The following SNX6 variants were observed in gnomAD, a reference collection of about 807,000 sequenced individuals.
SNX6 encodes sorting nexin 6.
A neutral mutation model predicts 63.0 loss-of-function variants in SNX6; 34 were observed. That is an observed-to-expected ratio of 0.54 (90% CI 0.41 to 0.72). The LOEUF (loss-of-function observed/expected upper bound fraction) is 0.72, where lower values mean the gene tolerates loss of function less well. Among genes scored for constraint, SNX6 ranks in the 30% least tolerant of loss-of-function variants. SNX6 has a pLI of 0.00. For synonymous variants in SNX6, 170 were observed against 164.2 expected, an observed-to-expected ratio of 1.04 and a Z score of -0.27; for missense variants, 398 against 471.4, an observed-to-expected ratio of 0.84 and a Z score of 1.44.
chr14:34,598,800 T>C (rs1489438498), intron 6 of SNX6, among the ~76,000 whole-genome samples: 1 of 152,098 alleles, frequency 6.6e-6, no homozygotes, highest in East Asian at 1.9e-4. Context: ...GGGAGGATCA[T>C]TTGACGCCAG....
intron 5 of SNX6, chr14:34,604,251 T>G: frequency 7.8e-7 from 1 of 1,284,474 alleles, no homozygotes; most frequent in Non-Finnish European, 1.0e-6. Context: ...AAACCCAAGG[T>G]TCTCTGTTAT....
At chr14:34,623,432 A>G (rs1421861809) in intron 2 of SNX6, among the ~76,000 whole-genome samples, 1 of 152,068 alleles carries the variant, frequency 6.6e-6, no homozygotes, top group Admixed American at 6.6e-5. Context: ...AGGAGTTTGG[A>G]CCTTACCCCC....
intron 9 of SNX6, among the ~76,000 whole-genome samples, chr14:34,585,241 G>T (rs1424874946): frequency 6.6e-6 from 1 of 152,114 alleles, no homozygotes; most frequent in Non-Finnish European, 1.5e-5. Flanking sequence ...ATTGTTGGCC[G>T]GGAGAAGTGG....
chr14:34,605,655 A>C lies in SNX6; in HGVS notation c.333T>G (p.Gly111=). 2.5e-6 allele frequency: 4 copies of C among 1,609,652 alleles called. No homozygotes were observed. Among genetic ancestry groups the C allele is most frequent in the Non-Finnish European group, 2.5e-6 (3 of 1,178,298 alleles). Residue 111 remains glycine, a synonymous_variant, in exon 5 of 14, where the codon GGT becomes GGG. Transcript: ENST00000362031. ...DASREKLQKL[G]EGEGSMTKEE... is the part of the protein sequence containing the mutation. Reference sequence around the variant, plus strand: ...CCTTCGTCATTGACCCTTCTCCTTCACCAAGCTTCTGTAGTTTTTCCCTTG... The same window carrying C: ...CCTTCGTCATTGACCCTTCTCCTTCCCCAAGCTTCTGTAGTTTTTCCCTTG...
At position 34,608,089 on chromosome 14, in the gene SNX6, C is replaced by G; in HGVS notation, c.211G>C (p.Glu71Gln). The change falls in exon 4 of 14, where the codon GAG (glutamate) becomes CAG (glutamine). Residue 71 changes from glutamate (E) to glutamine (Q), a missense_variant. Physicochemically the swap from Glu to Gln is conservative, Grantham distance 29 (BLOSUM62 2). Transcript: ENST00000362031. ...QNEFSVVRQHEEFIWLHDSFV... is the reference protein window; with the variant it reads ...QNEFSVVRQHQEFIWLHDSFV... ...GAATCATGAAGCCAGATAAATTCCT[C>G]ATGTTGCCGAACAACTGAAAACTCG... 1 of 1,611,154 alleles carries G rather than the reference C, an allele frequency of 6.2e-7. No homozygotes were observed. The highest frequency in any genetic ancestry group is 8.5e-7 in the Non-Finnish European group (1 of 1,178,158).
chr14:34,564,207 T>A (rs945063374), intron 13 of SNX6, among the ~76,000 whole-genome samples: 1 of 152,040 alleles, frequency 6.6e-6, no homozygotes, highest in Admixed American at 6.6e-5. Context: ...TTTGTATTTT[T>A]AGTAGAGACG....
intron 2 of SNX6, among the ~76,000 whole-genome samples, chr14:34,626,043 C>T (rs987168627): frequency 2.6e-5 from 4 of 151,952 alleles, no homozygotes; most frequent in Admixed American, 1.3e-4. Context: ...CTCTGAAGTT[C>T]GGATTTCTCA....
intron 2 of SNX6, among the ~76,000 whole-genome samples, chr14:34,620,538 AT>A (rs988955746): frequency 2.6e-5 from 4 of 152,110 alleles, no homozygotes; most frequent in Admixed American, 2.6e-4. Flanking sequence ...AACCAATGAT[AT>A]TTTTCAGTCT....
At chr14:34,626,652 G>C (rs899845768) in intron 2 of SNX6, among the ~76,000 whole-genome samples, 2 of 137,294 alleles carry the variant, frequency 1.5e-5, no homozygotes, top group Admixed American at 1.6e-4. Flanking sequence ...CTGGGCAACA[G>C]AGCGAGACTC....
intron 9 of SNX6, among the ~76,000 whole-genome samples, chr14:34,583,661 T>C (rs1276542933): frequency 6.6e-6 from 1 of 152,100 alleles, no homozygotes; most frequent in African/African-American, 2.4e-5. Context: ...TCAAGTATTC[T>C]GTAAAATATG....
At chr14:34,568,909 C>A (rs576296453) in intron 11 of SNX6, 225 of 1,261,538 alleles carry the variant, frequency 1.8e-4, no homozygotes, top group East Asian at 7.9e-4. Context: ...GGTCATGGAG[C>A]CAACCCCAGC....
chr14:34,568,476 G>A (rs573373431), intron 11 of SNX6, among the ~76,000 whole-genome samples: 6 of 151,894 alleles, frequency 4.0e-5, no homozygotes, highest in African/African-American at 1.4e-4. Context: ...TGATCCACCC[G>A]CCTCGGCCTC....
intron 9 of SNX6, among the ~76,000 whole-genome samples, chr14:34,582,679 G>A (rs964914862): frequency 6.6e-6 from 1 of 152,048 alleles, no homozygotes; most frequent in Admixed American, 6.6e-5. Flanking sequence ...CTAAGTAGCT[G>A]GCATTACAGG....
chr14:34,629,584 A>G (rs1236788673), intron 2 of SNX6: 4 of 613,626 alleles, frequency 6.5e-6, no homozygotes, highest in Non-Finnish European at 1.2e-5. Context: ...GTGTCGAGGG[A>G]GGGTGGGGGC....
chr14:34,573,729 C>T (rs1881560372), intron 11 of SNX6, among the ~76,000 whole-genome samples: 2 of 151,882 alleles, frequency 1.3e-5, no homozygotes, highest in Non-Finnish European at 2.9e-5. Context: ...ACCTACCTCC[C>T]TCTCCTGGGT....
At chr14:34,585,637 C>A (rs981338640) in intron 9 of SNX6, among the ~76,000 whole-genome samples, 1 of 152,116 alleles carries the variant, frequency 6.6e-6, no homozygotes, top group African/African-American at 2.4e-5. Context: ...TGCTCTGTCA[C>A]CAGGCTGGAG....
chr14:34,571,968 G>A (rs995601627), intron 11 of SNX6, among the ~76,000 whole-genome samples: 2 of 152,146 alleles, frequency 1.3e-5, no homozygotes, highest in African/African-American at 4.8e-5. Flanking sequence ...TAACAGGGGT[G>A]AGCCACCACG....
intron 6 of SNX6, among the ~76,000 whole-genome samples, chr14:34,602,394 T>A (rs1882849875): frequency 6.7e-6 from 1 of 150,022 alleles, no homozygotes; most frequent in South Asian, 2.1e-4. Flanking sequence ...ACCGTTGCAC[T>A]CCAGCTTGGG....
intron 10 of SNX6, among the ~76,000 whole-genome samples, chr14:34,576,111 G>A (rs1881688415): frequency 6.6e-6 from 1 of 151,596 alleles, no homozygotes. Flanking sequence ...TTTTTTAGTA[G>A]AGACGGGGTT....
Sources: gnomAD v4.1 joint callset for allele counts (sites outside exome capture counted in the v4.1 genomes callset) on GRCh38, gnomAD v4.1.1 for gene constraint, MANE v1.5 for transcripts, NCBI Gene and HGNC (gene_info 2026-07-23, HGNC 2026-07-21) for gene names.